The following PLCXD1 variants were observed in gnomAD, a reference collection of about 807,000 sequenced individuals.
The protein encoded by PLCXD1 is phosphatidylinositol specific phospholipase C X domain containing 1, also known as PI-PLC X domain-containing protein 1.
Under a neutral mutation model 37.8 loss-of-function variants are expected in PLCXD1, and 45 were observed. The observed-to-expected ratio is 1.19, with a 90% CI of 0.94 to 1.53. PLCXD1 has a LOEUF of 1.53. PLCXD1 is among the 40% of genes most tolerant of loss of function. The pLI is 0.00. For missense variants in PLCXD1, 539 were observed against 454.7 expected, an observed-to-expected ratio of 1.19 and a Z score of -1.69; for synonymous variants, 246 against 206.9, an observed-to-expected ratio of 1.19 and a Z score of -1.62.
At chrX:279,910 C>G (rs190673263), upstream of PLCXD1, among the ~76,000 whole-genome samples, 1,849 of 152,176 alleles carry the variant, frequency 0.012, 24 homozygotes, top group African/African-American at 0.034. Flanking sequence ...AGTGCAATGG[C>G]GCGATCTCGG....
upstream of PLCXD1, among the ~76,000 whole-genome samples, chrX:276,757 C>T (rs548287570): frequency 2.6e-5 from 4 of 152,098 alleles, 1 homozygote; most frequent in South Asian, 8.3e-4. Flanking sequence ...CCGGGGCCTG[C>T]GTGGGGACGG....
intron 4 of PLCXD1, among the ~76,000 whole-genome samples, chrX:291,252 TCTC>T (rs1328256624): frequency 6.6e-6 from 1 of 151,780 alleles, no homozygotes; most frequent in African/African-American, 2.4e-5. Context: ...TTCAGGCAAT[TCTC>T]CTGCCTCAGC....
At chrX:287,346 A>G (rs2069479242) in intron 2 of PLCXD1, among the ~76,000 whole-genome samples, 1 of 144,576 alleles carries the variant, frequency 6.9e-6, no homozygotes, top group African/African-American at 2.5e-5. Flanking sequence ...TAATATGTGG[A>G]TATATATTTT....
rs1229652690 is a variant in PLCXD1 at position 293,216 on chromosome X, CA to C, written c.732del (p.Gly245GlufsTer28). On this transcript the variant is annotated frameshift_variant and splice_region_variant, in exon 6 of 7. Transcript: ENST00000381657. LOFTEE classifies it high-confidence loss of function. Reference protein sequence around the residue: ...YLETMKSCGRPGGLFVAGINL... With the variant: ...YLETMKSCGRXGGLFVAGINL... ...GAGACCATGAAGAGCTGCGGCCGCC[CA>C]GGTACCAGGTCGCCCCTCGTGGGGG... The C allele has an allele frequency of 1.2e-6, 2 of 1,607,440 alleles. No homozygotes were observed. Among genetic ancestry groups the C allele is most frequent in the South Asian group, 2.2e-5 (2 of 90,900 alleles).
intron 1 of PLCXD1, among the ~76,000 whole-genome samples, chrX:281,983 G>C (rs1325572940): frequency 6.6e-6 from 1 of 151,952 alleles, no homozygotes; most frequent in Non-Finnish European, 1.5e-5. Context: ...CCTGACCTCA[G>C]GTGATCCACC....
Position 287,763 on chromosome X carries a change from ATATATT to A in PLCXD1, c.128-964_128-959del, listed in dbSNP as rs1370458734. 2.7e-5 allele frequency among the ~76,000 whole-genome samples: 4 copies of A among 148,206 alleles called. No individual in the cohort carries two copies. In the East Asian group the frequency reaches 7.8e-4, roughly 29 times the overall value. ...TTAAATATATATATCTTAAATATAG[ATATATT>A]TATATCTATATTTAAGAAATAACAA... On this transcript the variant is annotated intron_variant, in intron 2 of 6. Coordinates refer to ENST00000381657, the MANE Select transcript of PLCXD1 (RefSeq NM_018390.4).
At chrX:279,372 C>A (rs1244915749), upstream of PLCXD1, among the ~76,000 whole-genome samples, 2 of 152,122 alleles carry the variant, frequency 1.3e-5, no homozygotes, top group African/African-American at 4.8e-5. Context: ...GGCTCAGAGG[C>A]CTGACAGGTT....
chrX:294,105 G>C (rs2069723086), intron 6 of PLCXD1, among the ~76,000 whole-genome samples: 1 of 151,996 alleles, frequency 6.6e-6, no homozygotes, highest in Admixed American at 6.6e-5. Flanking sequence ...GGGAGGCCAA[G>C]GTGGGTGGAT....
upstream of PLCXD1, chrX:281,057 A>AGGGAGGCCGTGCAGGGGGAG (rs2069261669): frequency 1.2e-4 from 1 of 8,544 alleles, no homozygotes; most frequent in African/African-American, 9.5e-4. Flanking sequence ...TGCAGGGGGA[A>AGGGAGGCCGTGCAGGGGGAG]GGGAGGCCGT....
chrX:285,529 G>A (rs1273500798), intron 2 of PLCXD1, among the ~76,000 whole-genome samples: 2 of 148,572 alleles, frequency 1.3e-5, no homozygotes, highest in Non-Finnish European at 3.0e-5. Flanking sequence ...GTGTACACAC[G>A]TACATGCATG....
intron 3 of PLCXD1, among the ~76,000 whole-genome samples, chrX:289,346 G>A (rs185549106): frequency 7.9e-5 from 12 of 150,994 alleles, no homozygotes; most frequent in African/African-American, 1.9e-4. Flanking sequence ...CCCAGCCTCC[G>A]AAAGTGCTGG....
At chrX:296,929 T>C (rs867101506) in intron 6 of PLCXD1, among the ~76,000 whole-genome samples, 8,024 of 69,480 alleles carry the variant, frequency 0.12, 6 homozygotes, top group East Asian at 0.21. Context: ...TTATTCTGTC[T>C]ATCACATGGG....
At chrX:278,738 CAAAA>C (rs549455644), upstream of PLCXD1, among the ~76,000 whole-genome samples, 1 of 102,858 alleles carries the variant, frequency 9.7e-6, no homozygotes, top group African/African-American at 3.9e-5. Context: ...GACTCCGTCT[CAAAA>C]AAAAAAAAAA....
upstream of PLCXD1, among the ~76,000 whole-genome samples, chrX:279,911 G>A (rs1230627828): frequency 6.6e-6 from 1 of 152,106 alleles, no homozygotes; most frequent in Non-Finnish European, 1.5e-5. Context: ...GTGCAATGGC[G>A]CGATCTCGGC....
Position 301,602 on chromosome X carries a change from C to G in PLCXD1, c.*2267C>G, listed in dbSNP as rs923097325. On this transcript the variant is annotated 3_prime_UTR_variant, in exon 7 of 7. Transcript: ENST00000381657. ...GGGAGTATAGGTGTACACCACCATG[C>G]CCAGCTAATTATTTAGTAGTAGTAG... 6.6e-6 allele frequency: 1 copy of G among 152,132 alleles called. No homozygotes were observed. Among genetic ancestry groups the G allele is most frequent in the Non-Finnish European group, 1.5e-5 (1 of 68,058 alleles). The allele number at this position is 152,132 out of a possible 1,614,324, so 9.4% of individuals were successfully genotyped here. A position where few individuals can be genotyped will look rare whatever the true frequency, so the allele number is the denominator to read the frequency against.
At chrX:294,686 C>G (rs995356567) in intron 6 of PLCXD1, among the ~76,000 whole-genome samples, 5 of 151,992 alleles carry the variant, frequency 3.3e-5, no homozygotes, top group Non-Finnish European at 7.4e-5. Context: ...CGCCTATAAT[C>G]CCAGCTACTC....
At chrX:296,325 G>A (rs1183682753) in intron 6 of PLCXD1, among the ~76,000 whole-genome samples, 103 of 151,516 alleles carry the variant, frequency 6.8e-4, no homozygotes, top group East Asian at 9.8e-4. Context: ...GGGTTTCAGC[G>A]TGTTGGTCAG....
Position 284,191 on chromosome X carries a change from G to A in PLCXD1, c.4G>A (p.Gly2Ser). 6.2e-7 allele frequency: 1 copy of A among 1,613,150 alleles called. No individual in the cohort carries two copies. The highest frequency in any genetic ancestry group is 8.5e-7 in the Non-Finnish European group (1 of 1,179,760). Residue 2 changes from glycine to serine, a missense_variant, in exon 2 of 7, where the codon GGT (glycine) becomes AGT (serine). Physicochemically the swap from Gly to Ser is moderately conservative, Grantham distance 56. Coordinates refer to ENST00000381657, the MANE Select transcript of PLCXD1 (RefSeq NM_018390.4). MGGQVSASNSFS... is the reference protein window; with the variant it reads MSGQVSASNSFS... ...GGTTGCCCAGGGCTCACCTCTGATGGGTGGGCAGGTGAGCGCTTCCAACAG... is the reference window on the plus strand; with the variant it reads ...GGTTGCCCAGGGCTCACCTCTGATGAGTGGGCAGGTGAGCGCTTCCAACAG...
At chrX:288,611 A>C in intron 2 of PLCXD1, 122 bp from the exon 3 acceptor site, 14 of 1,065,194 alleles carry the variant, frequency 1.3e-5, no homozygotes, top group Non-Finnish European at 1.9e-5. Flanking sequence ...CCCTCCCGCC[A>C]TACCTGTGCC....
Sources: gnomAD v4.1 joint callset for allele counts (sites outside exome capture counted in the v4.1 genomes callset) on GRCh38, gnomAD v4.1.1 for gene constraint, MANE v1.5 for transcripts, NCBI Gene and HGNC (gene_info 2026-07-23, HGNC 2026-07-21) for gene names.